The following CCDC141 variants were observed in gnomAD, a reference collection of about 807,000 sequenced individuals.
CCDC141 encodes the protein coiled-coil domain containing 141.
CCDC141 carries 168 observed loss-of-function variants against 181.0 expected under a neutral mutation model. The ratio of observed to expected loss-of-function variants is 0.93; its 90% CI spans 0.82 to 1.05. CCDC141 has a LOEUF of 1.05. Ranked by LOEUF, CCDC141 falls within the 50% of genes least tolerant of loss-of-function variation. The probability of loss-of-function intolerance (pLI) is 0.00; values close to 1 mark genes in which losing one functional copy is unlikely to be tolerated. For synonymous variants in CCDC141, 666 were observed against 642.3 expected, an observed-to-expected ratio of 1.04 and a Z score of -0.56; for missense variants, 1,902 against 1,788.5, an observed-to-expected ratio of 1.06 and a Z score of -1.14.
chr2:179,046,602 C>T (rs1179481101), intron 2 of CCDC141, among the ~76,000 whole-genome samples: 2 of 152,178 alleles, frequency 1.3e-5, no homozygotes, highest in Middle Eastern at 3.2e-3. Flanking sequence ...AGGAGCCAGA[C>T]ATTAAGTAGT....
At chr2:178,827,024 T>C (rs964320937), downstream of CCDC141, among the ~76,000 whole-genome samples, 5 of 152,284 alleles carry the variant, frequency 3.3e-5, no homozygotes, top group East Asian at 9.6e-4. Context: ...ACACTATTTT[T>C]CTACATCCCA....
intron 2 of CCDC141, among the ~76,000 whole-genome samples, chr2:179,041,425 G>T (rs957073493): frequency 7.3e-6 from 1 of 136,382 alleles, no homozygotes; most frequent in Non-Finnish European, 1.6e-5. Context: ...TTGGCTGCAT[G>T]TATGTCTTCT....
Position 178,865,761 on chromosome 2 carries a change from AC to A in CCDC141, c.2724+5del. 6.7e-7 allele frequency: 1 copy of A among 1,488,512 alleles called. No homozygotes were observed. The highest frequency in any genetic ancestry group is 9.0e-7 in the Non-Finnish European group (1 of 1,115,156). The allele number at this position is 1,488,512 out of a possible 1,614,324, so 92.2% of individuals were successfully genotyped here. A position where few individuals can be genotyped will look rare whatever the true frequency, so the allele number is the denominator to read the frequency against. Reference sequence around the variant, plus strand: ...ATGTGCCAGTTCTCACCCCTCCCACACCCACCTCATTTATCTCGTCTCTCAT... The same window carrying A: ...ATGTGCCAGTTCTCACCCCTCCCACACCACCTCATTTATCTCGTCTCTCAT... On this transcript the variant is annotated splice_donor_5th_base_variant and intron_variant, in intron 17 of 23. Coordinates refer to ENST00000443758, the MANE Select transcript of CCDC141 (RefSeq NM_173648.4).
intron 7 of CCDC141, among the ~76,000 whole-genome samples, chr2:178,907,736 G>T (rs1470088322): frequency 6.6e-6 from 1 of 152,162 alleles, no homozygotes; most frequent in Non-Finnish European, 1.5e-5. Context: ...GCTCACACCT[G>T]TAATCCCAGC....
intron 5 of CCDC141, among the ~76,000 whole-genome samples, chr2:178,945,623 G>A (rs1296369528): frequency 6.6e-6 from 1 of 152,018 alleles, no homozygotes; most frequent in African/African-American, 2.4e-5. Context: ...GCCATCAGCG[G>A]GAATGACTTC....
At chr2:179,007,801 C>T (rs562996183) in intron 2 of CCDC141, among the ~76,000 whole-genome samples, 4 of 152,088 alleles carry the variant, frequency 2.6e-5, no homozygotes, top group Non-Finnish European at 2.9e-5. Context: ...AACAACATGC[C>T]GTGACTGTCA....
At chr2:178,836,801 T>C (rs1200076445) in intron 23 of CCDC141, 93 bp downstream of exon 23, 3 of 1,366,576 alleles carry the variant, frequency 2.2e-6, no homozygotes, top group Non-Finnish European at 3.0e-6. Context: ...ATTAATCAGC[T>C]AGCCCTAAAC....
chr2:178,869,431 C>T, intron 14 of CCDC141, 126 bp from the exon 15 acceptor site: 1 of 634,102 alleles, frequency 1.6e-6, no homozygotes, highest in Non-Finnish European at 2.5e-6. Context: ...TTATGAATGC[C>T]CCCACCCTCC....
rs753333980 is a variant in CCDC141, at chr2:178,845,735, T to G, written c.3365A>C (p.Asp1122Ala). The G allele has an allele frequency of 6.3e-7, 1 of 1,593,610 alleles. No homozygotes were observed. Among genetic ancestry groups the G allele is most frequent in the South Asian group, 1.1e-5 (1 of 90,684 alleles). ...TELEEKLKQG[D>A]VLKMNPNLED... is the part of the protein sequence containing the mutation. Reference sequence around the variant, plus strand: ...CAAATTCGGATTCATCTTTAAAACATCTCCCTGCTGTACAAAGCAACAGTT... The same window carrying G: ...CAAATTCGGATTCATCTTTAAAACAGCTCCCTGCTGTACAAAGCAACAGTT... Residue 1122 changes from aspartate (D) to alanine (A), a missense_variant, in exon 22 of 24, where the codon GAT becomes GCT. Transcript: ENST00000443758.
intron 17 of CCDC141, among the ~76,000 whole-genome samples, chr2:178,861,144 C>G (rs1479859755): frequency 1.3e-5 from 2 of 150,188 alleles, no homozygotes; most frequent in East Asian, 3.9e-4. Context: ...TATCTAGACT[C>G]GAAGTTTCCT....
At chr2:178,988,445 T>A (rs1020624031) in intron 2 of CCDC141, among the ~76,000 whole-genome samples, 1 of 151,350 alleles carries the variant, frequency 6.6e-6, no homozygotes, top group Admixed American at 6.6e-5. Context: ...AATGTGCACA[T>A]GTACCCTAAA....
intron 17 of CCDC141, 96 bp downstream of exon 17, chr2:178,865,671 G>C (rs950653584): frequency 1.7e-6 from 2 of 1,148,126 alleles, no homozygotes; most frequent in African/African-American, 3.2e-5. Context: ...GTTTGCATGT[G>C]TGTGGGAGTG....
intron 12 of CCDC141, chr2:178,875,538 C>T (rs1367014176): frequency 6.6e-6 from 1 of 151,518 alleles, no homozygotes; most frequent in African/African-American, 2.4e-5. Flanking sequence ...GCACTCCAGT[C>T]TGGGTGACAG....
At chr2:178,827,001 C>A (rs11885885), downstream of CCDC141, among the ~76,000 whole-genome samples, 26,512 of 151,982 alleles carry the variant, frequency 0.17, 4,360 homozygotes, top group East Asian at 0.71. Context: ...TAATGCTATA[C>A]ATTTTCCTCT....
chr2:179,023,540 G>A (rs995008257), intron 2 of CCDC141, among the ~76,000 whole-genome samples: 1 of 152,076 alleles, frequency 6.6e-6, no homozygotes, highest in Non-Finnish European at 1.5e-5. Flanking sequence ...TTTTAAAAGT[G>A]GTTCTCACTA....
intron 4 of CCDC141, among the ~76,000 whole-genome samples, chr2:178,964,279 T>C (rs1690524512): frequency 6.6e-6 from 1 of 151,946 alleles, no homozygotes; most frequent in African/African-American, 2.4e-5. Flanking sequence ...CACACACACA[T>C]ACAGCCCACA....
At chr2:178,866,892 ATTG>A (rs949674477) in intron 16 of CCDC141, among the ~76,000 whole-genome samples, 3 of 152,132 alleles carry the variant, frequency 2.0e-5, no homozygotes, top group African/African-American at 7.2e-5. Flanking sequence ...CGCCTGGCTA[ATTG>A]TTGTATTTTT....
chr2:178,929,885 G>A (rs571737264), intron 6 of CCDC141, among the ~76,000 whole-genome samples: 12 of 152,052 alleles, frequency 7.9e-5, no homozygotes, highest in Non-Finnish European at 1.5e-4. Flanking sequence ...TGATGAATCA[G>A]AATCTGCCTT....
At chr2:178,888,882 G>A (rs1687014400) in intron 8 of CCDC141, among the ~76,000 whole-genome samples, 1 of 152,026 alleles carries the variant, frequency 6.6e-6, no homozygotes, top group African/African-American at 2.4e-5. Flanking sequence ...ATGAGTTATG[G>A]GTTTTTGCAA....
Sources: allele counts gnomAD v4.1 joint callset (sites outside exome capture counted in the v4.1 genomes callset), GRCh38; gene constraint gnomAD v4.1.1; transcripts MANE v1.5; gene names NCBI Gene and HGNC (gene_info 2026-07-23, HGNC 2026-07-21).